The following FGD4 variants were observed in gnomAD, a reference collection of about 807,000 sequenced individuals.
FGD4 encodes FYVE, RhoGEF and PH domain containing 4.
Under a neutral mutation model 102.0 loss-of-function variants are expected in FGD4, and 42 were observed. The observed-to-expected ratio is 0.41, with a 90% CI of 0.32 to 0.53. The LOEUF is 0.53. Among genes scored for constraint, FGD4 ranks in the 20% least tolerant of loss-of-function variants. The pLI, the probability that FGD4 is intolerant of heterozygous loss-of-function variation, is 0.21. For synonymous variants in FGD4, 380 were observed against 375.7 expected (o/e 1.01, Z -0.13); for missense variants, 902 against 1,078.2 (o/e 0.84, Z 2.29).
intron 1 of FGD4, among the ~76,000 whole-genome samples, chr12:32,492,835 G>A (rs569061364): frequency 9.3e-4 from 142 of 152,096 alleles, no homozygotes; most frequent in African/African-American, 3.1e-3. Context: ...TTTTTAAAAA[G>A]CAATCTCAGC....
intron 1 of FGD4, 131 bp from the exon 2 acceptor site, chr12:32,564,006 C>A: frequency 2.5e-6 from 2 of 797,602 alleles, no homozygotes; most frequent in Non-Finnish European, 3.5e-6. Flanking sequence ...AGAGGGAGAC[C>A]GTGGAAAGGG....
In FGD4 at chr12:32,482,075, A is replaced by G. The variant is rs558141643; in HGVS notation, c.167-82062A>G. Among the ~76,000 whole-genome samples the G allele has an allele frequency of 1.3e-3, 204 of 152,334 alleles. 5 individuals carry two copies. In the South Asian group the frequency reaches 0.041, roughly 31 times the overall value. On this transcript the variant is annotated intron_variant, in intron 1 of 16. Coordinates refer to ENST00000534526, the MANE Select transcript of FGD4 (RefSeq NM_001370298.3). ...AATTTACAAATCAAAGTAATTGTCT[A>G]TACCAGTAAAATTAAATAGAATGGA...
chr12:32,510,076 T>C (rs971535745), intron 1 of FGD4, among the ~76,000 whole-genome samples: 1 of 152,208 alleles, frequency 6.6e-6, no homozygotes, highest in African/African-American at 2.4e-5. Context: ...GTACAACTAC[T>C]ACATTATCAA....
At chr12:32,505,556 G>C (rs1479784973) in intron 1 of FGD4, among the ~76,000 whole-genome samples, 2 of 152,076 alleles carry the variant, frequency 1.3e-5, no homozygotes, top group Non-Finnish European at 2.9e-5. Context: ...GCAATGAGTG[G>C]GTCTATGCAG....
intron 1 of FGD4, among the ~76,000 whole-genome samples, chr12:32,427,070 T>G (rs1357698664): frequency 6.6e-6 from 1 of 151,014 alleles, no homozygotes; most frequent in Admixed American, 6.6e-5. Context: ...CTCCTTCAGT[T>G]CTGCTCTGAT....
intron 7 of FGD4, among the ~76,000 whole-genome samples, chr12:32,606,856 G>A (rs565271386): frequency 3.3e-5 from 5 of 152,138 alleles, no homozygotes; most frequent in Non-Finnish European, 7.3e-5. Flanking sequence ...AAGAAATGGA[G>A]CTCTATTTAC....
At chr12:32,513,103 A>G (rs1939553638) in intron 1 of FGD4, among the ~76,000 whole-genome samples, 1 of 152,198 alleles carries the variant, frequency 6.6e-6, no homozygotes, top group South Asian at 2.1e-4. Flanking sequence ...AGGTCATAAT[A>G]CTGTACAAAG....
At position 32,640,380 on chromosome 12, in the gene FGD4, C is replaced by A; in HGVS notation, c.2559C>A (p.Ser853=). 1 of 1,614,162 alleles carries A rather than the reference C, an allele frequency of 6.2e-7. No homozygotes were observed. The highest frequency in any genetic ancestry group is 8.5e-7 in the Non-Finnish European group (1 of 1,180,036). The change falls in exon 17 of 17, where the codon TCC becomes TCA. Residue 853 remains serine (S), a synonymous_variant. Coordinates refer to ENST00000534526, the MANE Select transcript of FGD4 (RefSeq NM_001370298.3). ...PHSFKLTQSK[S]VHSFAADSEE... is the part of the protein sequence containing the mutation. ...GTTTCAAACTGACCCAGTCTAAGTC[C>A]GTGCACAGCTTTGCTGCAGACAGTG...
intron 1 of FGD4, among the ~76,000 whole-genome samples, chr12:32,432,808 C>T (rs1227962006): frequency 6.6e-6 from 1 of 152,130 alleles, no homozygotes; most frequent in East Asian, 1.9e-4. Context: ...TAGAAGAGTT[C>T]CTGGCTCATA....
intron 14 of FGD4, among the ~76,000 whole-genome samples, chr12:32,632,709 ATTTAT>A (rs1950560921): frequency 4.8e-5 from 6 of 124,408 alleles, no homozygotes; most frequent in Admixed American, 2.5e-4. Context: ...TTATTTATTT[ATTTAT>A]TTTTTTTTTT....
chr12:32,530,940 G>GTTTTTTTTT (rs1191041101), intron 1 of FGD4, among the ~76,000 whole-genome samples: 1 of 89,932 alleles, frequency 1.1e-5, no homozygotes, highest in Non-Finnish European at 2.0e-5. Flanking sequence ...TCCTAGCTTT[G>GTTTTTTTTT]GTTTTTTTTT....
intron 4 of FGD4, among the ~76,000 whole-genome samples, chr12:32,589,761 C>G (rs1296829414): frequency 6.6e-6 from 1 of 152,124 alleles, no homozygotes; most frequent in African/African-American, 2.4e-5. Context: ...TAATTGAAAC[C>G]TTCAGATTAA....
intron 2 of FGD4, among the ~76,000 whole-genome samples, chr12:32,571,328 T>G (rs11052084): frequency 0.26 from 39,549 of 151,834 alleles, 6,534 homozygotes; most frequent in African/African-American, 0.46. Flanking sequence ...GGTGGCAGGT[T>G]CCTGTAATCC....
rs184746300 is a variant in FGD4, at chr12:32,509,218, T to A, written c.167-54919T>A. Among the ~76,000 whole-genome samples the A allele has an allele frequency of 2.3e-4, 35 of 151,406 alleles. 1 individual carries two copies. In the East Asian group the frequency reaches 6.6e-3, roughly 29 times the overall value. ...TACCTCGATCTGTTCTGGCTTCAATTCTATGTTCTTAACTTTTATTCTCTT... is the reference window on the plus strand; with the variant it reads ...TACCTCGATCTGTTCTGGCTTCAATACTATGTTCTTAACTTTTATTCTCTT... On this transcript the variant is annotated intron_variant, in intron 1 of 16. Coordinates refer to ENST00000534526, the MANE Select transcript of FGD4 (RefSeq NM_001370298.3).
intron 1 of FGD4, among the ~76,000 whole-genome samples, chr12:32,401,067 G>A (rs1265645530): frequency 6.6e-6 from 1 of 152,298 alleles, no homozygotes; most frequent in South Asian, 2.1e-4. Flanking sequence ...GAGGACACTA[G>A]TGTGAAACAG....
At chr12:32,429,191 C>G (rs2136432280) in intron 1 of FGD4, among the ~76,000 whole-genome samples, 1 of 152,278 alleles carries the variant, frequency 6.6e-6, no homozygotes, top group South Asian at 2.1e-4. Context: ...ATGTTGGTGA[C>G]CTTCGGATGG....
chr12:32,434,844 T>A (rs1942169476), intron 1 of FGD4, among the ~76,000 whole-genome samples: 1 of 152,230 alleles, frequency 6.6e-6, no homozygotes, highest in South Asian at 2.1e-4. Context: ...TATATATGAG[T>A]CAGAGGATTG....
Position 32,408,456 on chromosome 12 carries a change from C to T in FGD4, c.166+8497C>T, listed in dbSNP as rs372945673. ...TGCTGGGTTGACAGGTGTGAGCCAC[C>T]GCGCCTAGCCTAATTTTTGTATTTT... On this transcript the variant is annotated intron_variant, in intron 1 of 16. Transcript: ENST00000534526. 2.8e-4 allele frequency among the ~76,000 whole-genome samples: 43 copies of T among 152,184 alleles called. No individual in the cohort carries two copies. In the East Asian group the frequency reaches 5.4e-3, roughly 19 times the overall value.
At chr12:32,565,737 T>C (rs1945135566) in intron 2 of FGD4, among the ~76,000 whole-genome samples, 1 of 152,168 alleles carries the variant, frequency 6.6e-6, no homozygotes, top group Non-Finnish European at 1.5e-5. Context: ...TAACCTTGCT[T>C]TTGCTGTTGT....
Sources: gnomAD v4.1 joint callset for allele counts (sites outside exome capture counted in the v4.1 genomes callset) on GRCh38, gnomAD v4.1.1 for gene constraint, MANE v1.5 for transcripts, NCBI Gene and HGNC (gene_info 2026-07-23, HGNC 2026-07-21) for gene names.